The following LRRC7 variants were observed in gnomAD, a reference collection of about 807,000 sequenced individuals.
LRRC7 encodes leucine rich repeat containing 7, also known as leucine-rich repeat-containing protein 7.
Under a neutral mutation model 175.7 loss-of-function variants are expected in LRRC7, and 23 were observed. That is an observed-to-expected ratio of 0.13 (90% CI 0.09 to 0.19). The LOEUF (loss-of-function observed/expected upper bound fraction) is 0.19. Ranked by LOEUF, LRRC7 falls within the 10% of genes least tolerant of loss-of-function variation. LRRC7 has a pLI of 1.00. For missense variants in LRRC7, 1,354 were observed against 1,904.7 expected (o/e 0.71, Z 5.38); for synonymous variants, 685 against 680.9 (o/e 1.01, Z -0.09).
At chr1:69,778,202 G>A (rs933304562) in intron 3 of LRRC7, among the ~76,000 whole-genome samples, 2 of 152,042 alleles carry the variant, frequency 1.3e-5, no homozygotes, top group African/African-American at 2.4e-5. Context: ...TCTCCTCTGT[G>A]CCTCCATATT....
chr1:69,851,126 A>G (rs1284125733), intron 7 of LRRC7, among the ~76,000 whole-genome samples: 1 of 152,170 alleles, frequency 6.6e-6, no homozygotes, highest in Non-Finnish European at 1.5e-5. Context: ...AATGTTACTG[A>G]GAAGTCAATT....
intron 11 of LRRC7, among the ~76,000 whole-genome samples, chr1:70,003,977 T>A (rs1655768980): frequency 6.6e-6 from 1 of 152,190 alleles, no homozygotes; most frequent in South Asian, 2.1e-4. Context: ...TCTAACGTAA[T>A]TTTTTTGCAA....
At position 70,038,860 on chromosome 1, in the gene LRRC7, C is replaced by T. The variant is rs367603639; in HGVS notation, c.3036C>T (p.His1012=). 7 of 1,614,018 alleles carry T rather than the reference C, an allele frequency of 4.3e-6. No individual in the cohort carries two copies. The highest frequency in any genetic ancestry group is 4.0e-5 in the African/African-American group (3 of 75,022). ...AAAACTATGCTTCTGGGAGTGATCA[C>T]TTAGGAAGCCACGAACGACCGGATA... ...PLENYASGSD[H]LGSHERPDKM... is the part of the protein sequence containing the mutation. The change falls in exon 21 of 27, where the codon CAC becomes CAT. Residue 1012 remains histidine (H), a synonymous_variant. Coordinates refer to ENST00000651989, the MANE Select transcript of LRRC7 (RefSeq NM_001370785.2).
At chr1:69,726,664 G>C (rs1472422814) in intron 2 of LRRC7, among the ~76,000 whole-genome samples, 1 of 151,956 alleles carries the variant, frequency 6.6e-6, no homozygotes, top group East Asian at 1.9e-4. Context: ...AAATGAGGTT[G>C]ACCAAGAAAA....
At chr1:69,661,457 A>G (rs1300625909) in intron 1 of LRRC7, among the ~76,000 whole-genome samples, 1 of 152,204 alleles carries the variant, frequency 6.6e-6, no homozygotes, top group Non-Finnish European at 1.5e-5. Flanking sequence ...TTTTCTCATC[A>G]ATGAGTCATA....
intron 2 of LRRC7, among the ~76,000 whole-genome samples, chr1:69,720,070 A>T (rs1361620376): frequency 5.3e-5 from 8 of 151,546 alleles, no homozygotes; most frequent in Admixed American, 4.0e-4. Flanking sequence ...GACAGTATTG[A>T]TATTTACTTG....
intron 7 of LRRC7, among the ~76,000 whole-genome samples, chr1:69,921,754 G>A (rs1051890582): frequency 6.6e-6 from 1 of 152,050 alleles, no homozygotes; most frequent in Non-Finnish European, 1.5e-5. Context: ...TAAAAACCTG[G>A]TATCTTTTTC....
chr1:69,729,184 A>G (rs561486082), intron 2 of LRRC7, among the ~76,000 whole-genome samples: 5 of 152,270 alleles, frequency 3.3e-5, no homozygotes, highest in African/African-American at 1.2e-4. Context: ...CTAAAATTCA[A>G]TATGAGATTT....
chr1:69,967,370 G>A (rs1651769147), intron 8 of LRRC7, among the ~76,000 whole-genome samples: 1 of 152,044 alleles, frequency 6.6e-6, no homozygotes, highest in South Asian at 2.1e-4. Flanking sequence ...ACACCCTCTG[G>A]TAACTGAAGA....
chr1:69,901,612 C>A (rs904752587), intron 7 of LRRC7, among the ~76,000 whole-genome samples: 1 of 152,158 alleles, frequency 6.6e-6, no homozygotes, highest in Admixed American at 6.5e-5. Context: ...TCTGAACCAG[C>A]CTTCTCCAAG....
rs114395945 is a variant in LRRC7, at chr1:69,983,338, C to T, written c.786+2885C>T. Among the ~76,000 whole-genome samples the T allele has an allele frequency of 5.3e-3, 810 of 152,254 alleles. 9 individuals carry two copies. Among genetic ancestry groups the T allele is most frequent in the African/African-American group, 0.018 (755 of 41,550 alleles). The stretch of plus-strand genomic sequence containing the variant: ...CACTGGGTTAATTAAGGATATGTGC[C>T]CTCCAAATGGACTTTGTAGCCTGTA... On this transcript the variant is annotated intron_variant, in intron 9 of 26. Coordinates refer to ENST00000651989, the MANE Select transcript of LRRC7 (RefSeq NM_001370785.2).
intron 2 of LRRC7, among the ~76,000 whole-genome samples, chr1:69,759,649 C>G (rs1051452349): frequency 6.6e-5 from 10 of 152,024 alleles, no homozygotes; most frequent in African/African-American, 1.9e-4. Flanking sequence ...ATCACTGTCT[C>G]CACTAGAACA....
At chr1:69,855,642 C>T (rs1312648774) in intron 7 of LRRC7, among the ~76,000 whole-genome samples, 1 of 152,000 alleles carries the variant, frequency 6.6e-6, no homozygotes, top group Non-Finnish European at 1.5e-5. Flanking sequence ...TCTATTAGGT[C>T]TGCTTGGTGC....
At chr1:69,831,910 G>A (rs1236842668) in intron 5 of LRRC7, among the ~76,000 whole-genome samples, 1 of 152,066 alleles carries the variant, frequency 6.6e-6, no homozygotes, top group African/African-American at 2.4e-5. Flanking sequence ...TAATGTTGTA[G>A]AGAAGATAAA....
At chr1:69,900,534 G>T (rs1162372947) in intron 7 of LRRC7, among the ~76,000 whole-genome samples, 1 of 151,912 alleles carries the variant, frequency 6.6e-6, no homozygotes, top group Non-Finnish European at 1.5e-5. Flanking sequence ...TCTTATTTTT[G>T]ATCTATAAAA....
intron 22 of LRRC7, among the ~76,000 whole-genome samples, chr1:70,045,691 C>G (rs1234655633): frequency 1.3e-5 from 2 of 152,104 alleles, no homozygotes; most frequent in Non-Finnish European, 2.9e-5. Context: ...AAGACATACC[C>G]AAGACTGGGT....
At position 69,881,077 on chromosome 1, in the gene LRRC7, A is replaced by T. The variant is rs147876193; in HGVS notation, c.647+42794A>T. On this transcript the variant is annotated intron_variant, in intron 7 of 26. Transcript: ENST00000651989. ...GGGACTTTGGATATAAAATTTCTAA[A>T]ATGTTATCACATCATATTTTAATTA... 3.3e-3 allele frequency among the ~76,000 whole-genome samples: 498 copies of T among 152,320 alleles called. 1 individual carries two copies. Among genetic ancestry groups the T allele is most frequent in the African/African-American group, 0.011 (449 of 41,568 alleles).
intron 1 of LRRC7, among the ~76,000 whole-genome samples, chr1:69,602,700 G>C (rs957843584): frequency 6.6e-6 from 1 of 152,074 alleles, no homozygotes; most frequent in Non-Finnish European, 1.5e-5. Context: ...GAATCAATCT[G>C]TTCCATGCCT....
chr1:69,797,017 CATTT>C (rs1332629055), intron 4 of LRRC7, among the ~76,000 whole-genome samples: 1 of 152,078 alleles, frequency 6.6e-6, no homozygotes, highest in Non-Finnish European at 1.5e-5. Flanking sequence ...GAAGCTATCT[CATTT>C]ATTTCTCTGT....
Sources: allele counts gnomAD v4.1 joint callset (sites outside exome capture counted in the v4.1 genomes callset), GRCh38; gene constraint gnomAD v4.1.1; transcripts MANE v1.5; gene names NCBI Gene and HGNC (gene_info 2026-07-23, HGNC 2026-07-21).